Variants in SDHAF3 observed in about 807,000 individuals in gnomAD.
SDHAF3 encodes the protein succinate dehydrogenase assembly factor 3, mitochondrial.
In SDHAF3, 18 loss-of-function variants were observed where a neutral mutation model predicts 11.5. That is an observed-to-expected ratio of 1.56 (90% confidence interval 1.08 to 2.32). SDHAF3 has a LOEUF of 2.32. Ranked by LOEUF, SDHAF3 falls within the 30% of genes most tolerant of loss-of-function variation. SDHAF3 has a pLI of 0.00. For synonymous variants in SDHAF3, 72 were observed against 59.3 expected (o/e 1.21, Z -0.99); for missense variants, 200 against 154.4 (o/e 1.30, Z -1.57).
At chr7:97,122,441 C>T (rs1417051023) in intron 1 of SDHAF3, among the ~76,000 whole-genome samples, 2 of 150,850 alleles carry the variant, frequency 1.3e-5, no homozygotes, top group Non-Finnish European at 2.9e-5. Flanking sequence ...TAATCCCAGT[C>T]TCAAATAGGT....
At chr7:97,150,074 T>G (rs1442228917) in intron 1 of SDHAF3, among the ~76,000 whole-genome samples, 2 of 152,228 alleles carry the variant, frequency 1.3e-5, no homozygotes, top group African/African-American at 4.8e-5. Context: ...CCATTCAACT[T>G]TTATAATCAG....
At chr7:97,176,311 CTT>C (rs1248102272) in intron 1 of SDHAF3, among the ~76,000 whole-genome samples, 1 of 152,184 alleles carries the variant, frequency 6.6e-6, no homozygotes, top group Non-Finnish European at 1.5e-5. Flanking sequence ...TGCACATTCT[CTT>C]TGGTTCAAGA....
At chr7:97,132,451 A>C (rs1053276537) in intron 1 of SDHAF3, among the ~76,000 whole-genome samples, 23 of 152,142 alleles carry the variant, frequency 1.5e-4, no homozygotes, top group African/African-American at 5.3e-4. Context: ...GAAAATCATC[A>C]TGGTTATCTA....
chr7:97,132,305 A>G (rs1219678789), intron 1 of SDHAF3, among the ~76,000 whole-genome samples: 1 of 152,148 alleles, frequency 6.6e-6, no homozygotes, highest in Admixed American at 6.5e-5. Flanking sequence ...TATATTTTGT[A>G]TGATTTCTTG....
chr7:97,168,162 C>CA (rs1281877989), intron 1 of SDHAF3, among the ~76,000 whole-genome samples: 2 of 152,170 alleles, frequency 1.3e-5, no homozygotes, highest in Non-Finnish European at 2.9e-5. Flanking sequence ...CATCACCCTT[C>CA]AACGTGTTCA....
intron 1 of SDHAF3, among the ~76,000 whole-genome samples, chr7:97,166,858 A>G (rs914300880): frequency 6.6e-6 from 1 of 152,214 alleles, no homozygotes; most frequent in African/African-American, 2.4e-5. Context: ...AGAAATAATA[A>G]TTGCTGTCTA....
intron 1 of SDHAF3, among the ~76,000 whole-genome samples, chr7:97,161,428 GTTTCTTATTATTCAT>G (rs1277644740): frequency 3.3e-5 from 5 of 152,068 alleles, no homozygotes; most frequent in Non-Finnish European, 7.4e-5. Context: ...TTCTCTGCTG[GTTTCTTATTATTCAT>G]TTTATTATAC....
intron 1 of SDHAF3, among the ~76,000 whole-genome samples, chr7:97,120,516 T>A (rs1027968215): frequency 6.6e-6 from 1 of 152,042 alleles, no homozygotes; most frequent in Non-Finnish European, 1.5e-5. Context: ...CTTCAAAATA[T>A]CTAATTTATG....
At chr7:97,164,449 C>T (rs1178770186) in intron 1 of SDHAF3, among the ~76,000 whole-genome samples, 5 of 147,172 alleles carry the variant, frequency 3.4e-5, no homozygotes, top group African/African-American at 5.0e-5. Flanking sequence ...ATGGCGCAAT[C>T]TCGGCTCACC....
intron 1 of SDHAF3, chr7:97,135,589 GTGTGTGTGTGTGTC>G (rs1317719072): frequency 6.9e-5 from 10 of 144,300 alleles, no homozygotes; most frequent in East Asian, 2.1e-4. Context: ...ATATGTGTGT[GTGTGTGTGTGTGTC>G]TGTGTGTGTG....
At chr7:97,128,064 G>C (rs1457926412) in intron 1 of SDHAF3, among the ~76,000 whole-genome samples, 1 of 151,738 alleles carries the variant, frequency 6.6e-6, no homozygotes, top group Non-Finnish European at 1.5e-5. Flanking sequence ...CATCTGGCTA[G>C]TTTTTATATT....
At chr7:97,168,114 G>A (rs1789542174) in intron 1 of SDHAF3, among the ~76,000 whole-genome samples, 1 of 152,172 alleles carries the variant, frequency 6.6e-6, no homozygotes, top group South Asian at 2.1e-4. Flanking sequence ...GGAGCTTGCT[G>A]GCGGGACCCC....
intron 1 of SDHAF3, 90 bp downstream of exon 1, chr7:97,117,987 A>T: frequency 1.4e-6 from 2 of 1,472,102 alleles, no homozygotes; most frequent in Non-Finnish European, 1.9e-6. Context: ...GGGGTTAAAC[A>T]GAGCAGCAAC....
intron 1 of SDHAF3, among the ~76,000 whole-genome samples, chr7:97,168,483 G>GGAATGAATAAGGATACCTTGGACATGA (rs1789549430): frequency 6.6e-6 from 1 of 152,176 alleles, no homozygotes; most frequent in African/African-American, 2.4e-5. Flanking sequence ...CCTGTGCCCA[G>GGAATGAATAAGGATACCTTGGACATGA]GAATGAATAA....
intron 1 of SDHAF3, among the ~76,000 whole-genome samples, chr7:97,126,430 C>A (rs1791578881): frequency 6.6e-6 from 1 of 152,222 alleles, no homozygotes; most frequent in Admixed American, 6.5e-5. Context: ...GCCCCTTCCC[C>A]CAGGTGCTGT....
chr7:97,164,480 G>A (rs917992177), intron 1 of SDHAF3, among the ~76,000 whole-genome samples: 1 of 150,480 alleles, frequency 6.6e-6, no homozygotes, highest in Admixed American at 6.7e-5. Context: ...GGATTAAAGC[G>A]ATTCTCCTGC....
At position 97,117,775 on chromosome 7, in the gene SDHAF3, C is replaced by G; in HGVS notation, c.52C>G (p.Gln18Glu). Residue 18 changes from glutamine (Q) to glutamate (E), a missense_variant, in exon 1 of 2, where the codon CAG (glutamine) becomes GAG (glutamate). Physicochemically the swap from Gln to Glu is conservative, Grantham distance 29. Transcript: ENST00000432641. ...CCGGGCATTGTACAAGCGCGTCTTG[C>G]AGCTGCACCGTGTTCTGCCCCCGGA... is the stretch of plus-strand genomic sequence containing the variant. ...RVRALYKRVL[Q>E]LHRVLPPDLK... 3 of 1,614,182 alleles carry G rather than the reference C, an allele frequency of 1.9e-6. No homozygotes were observed. Among genetic ancestry groups the G allele is most frequent in the Admixed American group, 1.7e-5 (1 of 60,036 alleles).
At chr7:97,144,233 T>TA (rs1789102956) in intron 1 of SDHAF3, among the ~76,000 whole-genome samples, 1 of 152,242 alleles carries the variant, frequency 6.6e-6, no homozygotes, top group South Asian at 2.1e-4. Flanking sequence ...TTCTGGTTAT[T>TA]AGACCTTTGT....
At chr7:97,168,264 C>G (rs1012202225) in intron 1 of SDHAF3, among the ~76,000 whole-genome samples, 1 of 152,170 alleles carries the variant, frequency 6.6e-6, no homozygotes, top group African/African-American at 2.4e-5. Context: ...TTAAGTTTCA[C>G]AACAGTGATA....
Sources: allele counts gnomAD v4.1 joint callset (sites outside exome capture counted in the v4.1 genomes callset), GRCh38; gene constraint gnomAD v4.1.1; transcripts MANE v1.5; gene names NCBI Gene and HGNC (gene_info 2026-07-23, HGNC 2026-07-21).